Variants in TTC7A observed in about 807,000 individuals in gnomAD.
TTC7A encodes tetratricopeptide repeat domain 7A, also known as tetratricopeptide repeat protein 7A.
Under a neutral mutation model 103.7 loss-of-function variants are expected in TTC7A, and 110 were observed. The ratio of observed to expected loss-of-function variants is 1.06; its 90% confidence interval spans 0.91 to 1.24. TTC7A has a LOEUF of 1.24. Ranked by LOEUF, TTC7A falls within the 50% of genes most tolerant of loss-of-function variation. The pLI is 0.00. For missense variants in TTC7A, 1,340 were observed against 1,116.3 expected (o/e 1.20, Z -2.86); for synonymous variants, 521 against 467.9 (o/e 1.11, Z -1.47).
intron 3 of TTC7A, among the ~76,000 whole-genome samples, chr2:46,963,016 A>G (rs943782200): frequency 6.6e-6 from 1 of 152,232 alleles, no homozygotes; most frequent in Non-Finnish European, 1.5e-5. Flanking sequence ...ATCTAGATCC[A>G]GGCCTCAAGG....
intron 5 of TTC7A, among the ~76,000 whole-genome samples, chr2:46,980,217 T>G (rs1399972206): frequency 3.3e-4 from 10 of 30,124 alleles, no homozygotes; most frequent in African/African-American, 5.6e-4. Flanking sequence ...ACTCTCTCTC[T>G]TTTTTTTTTT....
intron 1 of TTC7A, among the ~76,000 whole-genome samples, chr2:46,947,816 T>C (rs1470779473): frequency 6.6e-6 from 1 of 152,202 alleles, no homozygotes; most frequent in Non-Finnish European, 1.5e-5. Flanking sequence ...TACCTCCCAA[T>C]TTTTTAGTAT....
intron 2 of TTC7A, among the ~76,000 whole-genome samples, chr2:46,932,900 CAA>C (rs34183870): frequency 8.6e-5 from 6 of 69,380 alleles, no homozygotes; most frequent in Admixed American, 3.3e-4. Flanking sequence ...GACTCCATCT[CAA>C]AAAAAAAAAA....
intron 15 of TTC7A, among the ~76,000 whole-genome samples, chr2:47,039,326 C>T (rs1356753026): frequency 2.0e-5 from 3 of 152,238 alleles, no homozygotes; most frequent in African/African-American, 4.8e-5. Context: ...GTGCACCCGA[C>T]GTGCTTGCTG....
chr2:46,955,267 A>G (rs1049856651), intron 2 of TTC7A, among the ~76,000 whole-genome samples: 2 of 152,198 alleles, frequency 1.3e-5, no homozygotes, highest in Admixed American at 1.3e-4. Context: ...AGTGCAGGGA[A>G]CGCAGAGTCA....
At chr2:46,996,386 T>C (rs1193350167) in intron 8 of TTC7A, among the ~76,000 whole-genome samples, 2 of 152,128 alleles carry the variant, frequency 1.3e-5, no homozygotes, top group East Asian at 3.8e-4. Context: ...GATATGGAGG[T>C]TAAGAAACCA....
At chr2:47,033,133 A>G (rs912473179) in intron 15 of TTC7A, among the ~76,000 whole-genome samples, 1 of 152,204 alleles carries the variant, frequency 6.6e-6, no homozygotes, top group Non-Finnish European at 1.5e-5. Flanking sequence ...TCTTCGATTG[A>G]CACTGCTCCC....
intron 3 of TTC7A, among the ~76,000 whole-genome samples, chr2:46,966,600 T>A (rs1256484624): frequency 6.6e-6 from 1 of 152,110 alleles, no homozygotes; most frequent in Non-Finnish European, 1.5e-5. Context: ...TCTTTTTTTT[T>A]TTTGCCATTA....
Position 47,074,195 on chromosome 2 carries a change from C to A in TTC7A, c.*272C>A. The A allele has an allele frequency of 2.0e-6, 1 of 499,488 alleles. No homozygotes were observed. 30.9% of individuals were successfully genotyped at this position (499,488 alleles called of 1,614,324 possible). A position where few individuals can be genotyped will look rare whatever the true frequency, so the allele number is the denominator to read the frequency against. ...CCAGACTTGCTCCCCAAGAGCTGGG[C>A]AGCGGGGAGCCTCACAGCTGTCCTT... On this transcript the variant is annotated 3_prime_UTR_variant, in exon 20 of 20. Coordinates refer to ENST00000319190, the MANE Select transcript of TTC7A (RefSeq NM_020458.4).
intron 5 of TTC7A, among the ~76,000 whole-genome samples, chr2:46,983,383 C>T (rs1043394248): frequency 2.0e-5 from 3 of 152,212 alleles, no homozygotes; most frequent in Non-Finnish European, 4.4e-5. Flanking sequence ...AAACGGTGGC[C>T]TGGAGGGCTG....
At chr2:47,072,690 C>T (rs776401627) in intron 19 of TTC7A, among the ~76,000 whole-genome samples, 47 of 152,198 alleles carry the variant, frequency 3.1e-4, no homozygotes, top group African/African-American at 9.2e-4. Context: ...TGGGCTTTAC[C>T]TCCCGTCTTG....
rs748480706 is a variant in TTC7A, at chr2:46,956,897, C to A, written c.407C>A (p.Ser136Ter). 3 of 1,614,022 alleles carry A rather than the reference C, an allele frequency of 1.9e-6. No individual in the cohort carries two copies. In the African/African-American group the frequency reaches 4.0e-5, roughly 22 times the overall value. ...ILGKLHYVEG[S>*]YRDAISMYAR... ...GGCAAACTGCATTACGTGGAGGGCTCATACCGAGATGCCATCAGCATGTAC... is the reference window on the plus strand; with the variant it reads ...GGCAAACTGCATTACGTGGAGGGCTAATACCGAGATGCCATCAGCATGTAC... Residue 136 changes from serine (S) to a stop codon, truncating the protein, a stop_gained, in exon 3 of 20, where the codon TCA becomes TAA. Transcript: ENST00000319190. LOFTEE classifies it high-confidence loss of function.
At chr2:46,986,400 C>T (rs557876968) in intron 5 of TTC7A, among the ~76,000 whole-genome samples, 3 of 152,270 alleles carry the variant, frequency 2.0e-5, no homozygotes, top group Admixed American at 1.3e-4. Flanking sequence ...CCAGATGCCC[C>T]GCCCTCACTG....
chr2:47,047,232 G>A lies in TTC7A; in HGVS notation c.1919+801G>A, dbSNP rs1573019951. The A allele has an allele frequency of 5.9e-6, 8 of 1,348,522 alleles. No individual in the cohort carries two copies. The East Asian group carries it at 2.0e-4, about 34-fold the overall frequency. The allele number at this position is 1,348,522 out of a possible 1,614,324, so 83.5% of individuals were successfully genotyped here. On this transcript the variant is annotated intron_variant, in intron 16 of 19. Transcript: ENST00000319190. ...GTGTCATCTCCCTGAGGCCTCAGGG[G>A]ACCCCAGTCTGGTGTATATTTGTGT...
At chr2:46,918,557 C>A (rs1264679548) in intron 2 of TTC7A, among the ~76,000 whole-genome samples, 1 of 152,148 alleles carries the variant, frequency 6.6e-6, no homozygotes, top group Non-Finnish European at 1.5e-5. Context: ...AATTTGGTAC[C>A]AGAAGCAGGA....
Position 47,006,012 on chromosome 2 carries a change from C to T in TTC7A, c.1156C>T (p.Leu386=), listed in dbSNP as rs780232829. ...GAATGCCGCAGCCATCTATGACCTC[C>T]TGAGCATCACGTTGGGCAGAAGGGG... ...LQNAAAIYDL[L]SITLGRRGQY... is the part of the protein sequence containing the mutation. Residue 386 remains leucine (L), a synonymous_variant, in exon 9 of 20, where the codon CTG becomes TTG. Transcript: ENST00000319190. 5.0e-6 allele frequency: 8 copies of T among 1,613,688 alleles called. No homozygotes were observed. The highest frequency in any genetic ancestry group is 6.8e-6 in the Non-Finnish European group (8 of 1,180,004).
intron 3 of TTC7A, among the ~76,000 whole-genome samples, chr2:46,972,662 A>G (rs1244047255): frequency 6.6e-6 from 1 of 152,224 alleles, no homozygotes; most frequent in Non-Finnish European, 1.5e-5. Context: ...GCAAGGTGCT[A>G]TTACTGATAA....
intron 18 of TTC7A, among the ~76,000 whole-genome samples, chr2:47,055,792 CA>C (rs1416030339): frequency 6.6e-6 from 1 of 152,150 alleles, no homozygotes; most frequent in Non-Finnish European, 1.5e-5. Flanking sequence ...GAGGCCACCC[CA>C]GGTGTCTCCT....
At chr2:47,054,946 G>A (rs1012152850) in intron 18 of TTC7A, among the ~76,000 whole-genome samples, 3 of 152,040 alleles carry the variant, frequency 2.0e-5, no homozygotes, top group African/African-American at 7.3e-5. Flanking sequence ...AGGTGTCCTA[G>A]TTCTTTCATT....
Sources: allele counts gnomAD v4.1 joint callset (sites outside exome capture counted in the v4.1 genomes callset), GRCh38; gene constraint gnomAD v4.1.1; transcripts MANE v1.5; gene names NCBI Gene and HGNC (gene_info 2026-07-23, HGNC 2026-07-21).